PKD1L1: variants seen among roughly 807,000 people sequenced by gnomAD.
PKD1L1 encodes the protein polycystin-1-like protein 1.
In PKD1L1, 236 loss-of-function variants were observed where a neutral mutation model predicts 323.4. The observed-to-expected ratio is 0.73, with a 90% CI of 0.66 to 0.81. The LOEUF is 0.81. Ranked by LOEUF, PKD1L1 falls within the 40% of genes least tolerant of loss-of-function variation. PKD1L1 has a pLI of 0.00. For synonymous variants in PKD1L1, 1,344 were observed against 1,335.0 expected (o/e 1.01, Z -0.15); for missense variants, 3,320 against 3,508.0 (o/e 0.95, Z 1.35).
chr7:47,794,958 T>C (rs894944017), intron 55 of PKD1L1, among the ~76,000 whole-genome samples: 3 of 152,244 alleles, frequency 2.0e-5, no homozygotes, highest in Admixed American at 2.0e-4. Flanking sequence ...CCAATCCCTG[T>C]ACCCCCATTG....
Position 47,905,982 on chromosome 7 carries a change from A to G in PKD1L1, c.1403-20T>C. 6.4e-7 allele frequency: 1 copy of G among 1,565,562 alleles called. No homozygotes were observed. ...CAGTGCCTAAAATGAGAAAAAAAGG[A>G]GATAAGAGAAAAAGTCTTAAAATTA... is the stretch of plus-strand genomic sequence containing the variant. On this transcript the variant is annotated intron_variant, in intron 9 of 56. Coordinates refer to ENST00000289672, the MANE Select transcript of PKD1L1 (RefSeq NM_138295.5).
intron 17 of PKD1L1, 135 bp from the exon 18 acceptor site, chr7:47,886,189 A>G: frequency 3.3e-6 from 4 of 1,197,048 alleles, no homozygotes; most frequent in Non-Finnish European, 4.5e-6. Flanking sequence ...CACTTAAGAG[A>G]TACAGGGCAG....
At chr7:47,798,339 T>C (rs1009953583) in intron 54 of PKD1L1, among the ~76,000 whole-genome samples, 5 of 152,222 alleles carry the variant, frequency 3.3e-5, no homozygotes, top group Admixed American at 6.5e-5. Context: ...TTCAAAAAAA[T>C]TGTGCTGGAA....
chr7:47,942,541 G>A (rs10261436), intron 2 of PKD1L1, among the ~76,000 whole-genome samples: 26,132 of 150,394 alleles, frequency 0.17, 2,980 homozygotes, highest in African/African-American at 0.33. Flanking sequence ...TACCAAATGT[G>A]TAGCCTAAGT....
At chr7:47,793,179 G>A (rs921367142) in intron 55 of PKD1L1, among the ~76,000 whole-genome samples, 2 of 152,048 alleles carry the variant, frequency 1.3e-5, no homozygotes, top group Non-Finnish European at 2.9e-5. Context: ...AATAATGGAT[G>A]GGGAAGCACA....
In PKD1L1 at chr7:47,796,008, G is replaced by T. The variant is rs1321424470; in HGVS notation, c.8336C>A (p.Ala2779Asp). The T allele has an allele frequency of 2.5e-6, 4 of 1,613,348 alleles. No individual in the cohort carries two copies. The highest frequency in any genetic ancestry group is 3.4e-6 in the Non-Finnish European group (4 of 1,179,764). ...LRLETPKLEE[A>D]EMVENHNYYL... ...GCTTACGTGATTCTCAACCATCTCAGCCTCTTCCAACTTTGGTGTTTCCAG... is the reference window on the plus strand; with the variant it reads ...GCTTACGTGATTCTCAACCATCTCATCCTCTTCCAACTTTGGTGTTTCCAG... The change falls in exon 55 of 57, where the codon GCT (alanine) becomes GAT (aspartate). Residue 2779 changes from alanine (A) to aspartate (D), a missense_variant. Transcript: ENST00000289672.
At chr7:47,841,193 G>A (rs901648156) in intron 34 of PKD1L1, among the ~76,000 whole-genome samples, 13 of 152,118 alleles carry the variant, frequency 8.5e-5, no homozygotes, top group African/African-American at 3.1e-4. Context: ...ATGTTCTGGA[G>A]TTCATTTTTT....
chr7:47,790,556 C>T (rs1037981007), intron 56 of PKD1L1, among the ~76,000 whole-genome samples: 1 of 152,120 alleles, frequency 6.6e-6, no homozygotes, highest in Non-Finnish European at 1.5e-5. Flanking sequence ...TGGTCTTGAT[C>T]TCCTGACCTC....
At chr7:47,934,422 G>A (rs919036095) in intron 4 of PKD1L1, among the ~76,000 whole-genome samples, 1 of 152,170 alleles carries the variant, frequency 6.6e-6, no homozygotes, top group African/African-American at 2.4e-5. Flanking sequence ...TACTTCCAAC[G>A]GCATGTCAAC....
chr7:47,854,971 C>T lies in PKD1L1; in HGVS notation c.4770G>A (p.Glu1590=). 4 of 1,614,074 alleles carry T rather than the reference C, an allele frequency of 2.5e-6. No homozygotes were observed. Among genetic ancestry groups the T allele is most frequent in the Non-Finnish European group, 2.5e-6 (3 of 1,179,988 alleles). ...RDKVNLHQFT[E]LSENPQESLQ... ...GAGATTCCTGGGGGTTTTCGGAAAG[C>T]TCAGTGAACTGATGGAGATTCACTT... is the stretch of plus-strand genomic sequence containing the variant. The change falls in exon 30 of 57, where the codon GAG becomes GAA. Residue 1590 remains glutamate (E), a synonymous_variant. Transcript: ENST00000289672.
chr7:47,906,108 TCA>T (rs1445300906), intron 9 of PKD1L1, 146 bp from the exon 10 acceptor site: 2 of 736,468 alleles, frequency 2.7e-6, no homozygotes, highest in African/African-American at 1.9e-5. Flanking sequence ...TGCTCTGAAA[TCA>T]GACATACCTG....
intron 26 of PKD1L1, among the ~76,000 whole-genome samples, chr7:47,859,912 G>A (rs575643094): frequency 6.6e-6 from 1 of 152,056 alleles, no homozygotes; most frequent in Non-Finnish European, 1.5e-5. Context: ...ACAGGTGTGA[G>A]CCACCACACC....
Position 47,897,994 on chromosome 7 carries a change from A to C in PKD1L1, c.2265T>G (p.Leu755=), listed in dbSNP as rs748046362. ...HTLEYGNYTA[L]AKVQIEGSVV... is the part of the protein sequence containing the mutation. ...AGTAAGTCAGCCAGCTGACCTTGGC[A>C]AGGGCAGTGTAGTTCCCATACTCCA... Residue 755 remains leucine, a synonymous_variant, in exon 14 of 57, where the codon CTT becomes CTG. Transcript: ENST00000289672. The C allele has an allele frequency of 6.2e-7, 1 of 1,605,884 alleles. No individual in the cohort carries two copies. The highest frequency in any genetic ancestry group is 8.5e-7 in the Non-Finnish European group (1 of 1,175,680).
At chr7:47,947,444 G>A (rs1394792251) in intron 1 of PKD1L1, among the ~76,000 whole-genome samples, 1 of 152,256 alleles carries the variant, frequency 6.6e-6, no homozygotes, top group East Asian at 1.9e-4. Context: ...AGATCTGCAG[G>A]CACAGGCTCC....
chr7:47,814,941 G>T (rs1158312216), intron 47 of PKD1L1, among the ~76,000 whole-genome samples: 1 of 152,180 alleles, frequency 6.6e-6, no homozygotes, highest in Non-Finnish European at 1.5e-5. Context: ...AAGCTTCCTT[G>T]CACTTCCTCT....
intron 56 of PKD1L1, among the ~76,000 whole-genome samples, chr7:47,776,451 G>A (rs1584936697): frequency 1.3e-5 from 2 of 152,224 alleles, no homozygotes; most frequent in Non-Finnish European, 2.9e-5. Context: ...AGGTCTCTCA[G>A]CTCCAGCTCT....
intron 30 of PKD1L1, among the ~76,000 whole-genome samples, chr7:47,853,641 G>A (rs1785831017): frequency 6.6e-6 from 1 of 151,960 alleles, no homozygotes; most frequent in African/African-American, 2.4e-5. Context: ...TACTCGGGAG[G>A]CTGAGGCAGG....
intron 46 of PKD1L1, 61 bp downstream of exon 46, chr7:47,821,015 C>G: frequency 1.0e-6 from 1 of 992,650 alleles, no homozygotes; most frequent in Non-Finnish European, 1.6e-6. Context: ...GGGGAAGGTG[C>G]ACACAGGCTA....
chr7:47,776,367 G>T (rs1786568943), intron 56 of PKD1L1, among the ~76,000 whole-genome samples: 1 of 152,140 alleles, frequency 6.6e-6, no homozygotes, highest in Non-Finnish European at 1.5e-5. Flanking sequence ...GACATTACAA[G>T]AACAGTAACA....
Sources: gnomAD v4.1 joint callset for allele counts (sites outside exome capture counted in the v4.1 genomes callset) on GRCh38, gnomAD v4.1.1 for gene constraint, MANE v1.5 for transcripts, NCBI Gene and HGNC (gene_info 2026-07-23, HGNC 2026-07-21) for gene names.